Variants in ZC3H12B observed in about 807,000 individuals in gnomAD.
ZC3H12B encodes zinc finger CCCH-type containing 12B.
ZC3H12B carries 7 observed loss-of-function variants against 43.9 expected under a neutral mutation model. The observed-to-expected ratio is 0.16, with a 90% CI of 0.09 to 0.30. The LOEUF (loss-of-function observed/expected upper bound fraction) is 0.30, where lower values mean the gene tolerates loss of function less well. Among genes scored for constraint, ZC3H12B ranks in the 10% least tolerant of loss-of-function variants. The probability of loss-of-function intolerance (pLI) is 1.00; values close to 1 mark genes in which losing one functional copy is unlikely to be tolerated. For synonymous variants in ZC3H12B, 222 were observed against 241.7 expected (o/e 0.92, Z 0.76); for missense variants, 475 against 670.2 (o/e 0.71, Z 3.22).
the ZC3H12B span, among the ~76,000 whole-genome samples, chrX:65,283,444 A>G: frequency 1.8e-5 from 2 of 112,108 alleles, no homozygotes; most frequent in African/African-American, 6.5e-5. Flanking sequence ...CACCACTCCT[A>G]TTCAACATAG....
chrX:65,448,955 A>AAAAGAAAGAAAGAAAGAGAAAAAGAAAG (rs2067422954), intron 3 of ZC3H12B, among the ~76,000 whole-genome samples: 3 of 58,972 alleles, frequency 5.1e-5, no homozygotes, highest in South Asian at 8.4e-4. Flanking sequence ...GAAAGAAAGA[A>AAAAGAAAGAAAGAAAGAGAAAAAGAAAG]AAAGAAAGAA....
the ZC3H12B span, among the ~76,000 whole-genome samples, chrX:65,248,156 C>A: frequency 9.1e-6 from 1 of 110,479 alleles, no homozygotes; most frequent in African/African-American, 3.3e-5. Context: ...CCTGCCTCAG[C>A]CTCCTGAGTA....
intron 2 of ZC3H12B, among the ~76,000 whole-genome samples, chrX:65,383,943 T>C (rs1392845686): frequency 1.0e-5 from 1 of 95,822 alleles, no homozygotes; most frequent in African/African-American, 3.7e-5. Context: ...AGTTCAACCA[T>C]TGTGGAAGTC....
At chrX:65,084,277 G>A in the ZC3H12B span, among the ~76,000 whole-genome samples, 4 of 111,676 alleles carry the variant, frequency 3.6e-5, no homozygotes, top group East Asian at 5.6e-4. Flanking sequence ...AAATTAAAAA[G>A]CTTCTGCACT....
chrX:65,423,592 A>T (rs1238388440), intron 3 of ZC3H12B, among the ~76,000 whole-genome samples: 1 of 112,308 alleles, frequency 8.9e-6, no homozygotes, highest in East Asian at 2.8e-4. Context: ...TTTGATTTGC[A>T]TTTCTCTAAT....
the ZC3H12B span, among the ~76,000 whole-genome samples, chrX:65,330,177 A>G: frequency 9.0e-6 from 1 of 110,584 alleles, no homozygotes; most frequent in African/African-American, 3.3e-5. Flanking sequence ...CTTCCTACCC[A>G]AGTTCACTCA....
the ZC3H12B span, among the ~76,000 whole-genome samples, chrX:65,172,158 C>T: frequency 1.8e-5 from 2 of 111,996 alleles, no homozygotes; most frequent in Non-Finnish European, 3.8e-5. Flanking sequence ...ATCTTGGAAC[C>T]TCTTGATTTG....
chrX:65,461,295 C>T (rs780646456), intron 3 of ZC3H12B, among the ~76,000 whole-genome samples: 69 of 111,718 alleles, frequency 6.2e-4, no homozygotes, highest in Non-Finnish European at 6.8e-4. Flanking sequence ...GTCAGTGTGG[C>T]GATTCTTCAG....
At chrX:65,093,017 C>G in the ZC3H12B span, among the ~76,000 whole-genome samples, 24 of 111,756 alleles carry the variant, frequency 2.1e-4, no homozygotes, top group Non-Finnish European at 4.0e-4. Context: ...GCCCTTCTGC[C>G]CTGCACAGCT....
At chrX:65,096,139 G>A in the ZC3H12B span, among the ~76,000 whole-genome samples, 123 of 105,022 alleles carry the variant, frequency 1.2e-3, 1 homozygote, top group African/African-American at 3.9e-3. Context: ...AAACATACAC[G>A]TGCATGTATC....
chrX:65,403,220 T>C (rs914958575), intron 3 of ZC3H12B, among the ~76,000 whole-genome samples: 9 of 111,995 alleles, frequency 8.0e-5, no homozygotes, highest in African/African-American at 2.6e-4. Flanking sequence ...AATAGCAGAA[T>C]TGATCAAGAA....
the ZC3H12B span, among the ~76,000 whole-genome samples, chrX:65,136,930 A>T: frequency 3.6e-5 from 4 of 112,085 alleles, no homozygotes; most frequent in Admixed American, 3.8e-4. Context: ...CTAAAGTTCT[A>T]TATTAGAAAA....
At chrX:65,180,345 G>GAACAT in the ZC3H12B span, among the ~76,000 whole-genome samples, 1 of 111,773 alleles carries the variant, frequency 8.9e-6, no homozygotes, top group African/African-American at 3.3e-5. Flanking sequence ...GGTATTGATG[G>GAACAT]AACATATCTC....
the ZC3H12B span, among the ~76,000 whole-genome samples, chrX:65,290,011 A>C: frequency 3.6e-5 from 4 of 110,982 alleles, no homozygotes; most frequent in Non-Finnish European, 7.6e-5. Flanking sequence ...CTATGTAGTA[A>C]AAAATAATAA....
the ZC3H12B span, chrX:65,272,498 G>A: frequency 1.8e-5 from 2 of 111,738 alleles, no homozygotes; most frequent in Non-Finnish European, 1.9e-5. Context: ...TTTAGCCAAA[G>A]GGGTCAATTT....
At chrX:65,310,802 T>C in the ZC3H12B span, among the ~76,000 whole-genome samples, 1 of 111,424 alleles carries the variant, frequency 9.0e-6, no homozygotes, top group South Asian at 3.7e-4. Context: ...AACCAATATA[T>C]AGACCAATGG....
At chrX:65,131,721 G>C in the ZC3H12B span, among the ~76,000 whole-genome samples, 1 of 111,592 alleles carries the variant, frequency 9.0e-6, no homozygotes, top group African/African-American at 3.3e-5. Context: ...AGGTGTTGGG[G>C]TTTGGGAGAT....
At chrX:65,260,967 G>A in the ZC3H12B span, among the ~76,000 whole-genome samples, 1 of 111,794 alleles carries the variant, frequency 8.9e-6, no homozygotes, top group Non-Finnish European at 1.9e-5. Context: ...TAAAGCCATA[G>A]CACAGTGCCT....
chrX:65,122,354 C>T, the ZC3H12B span, among the ~76,000 whole-genome samples: 2 of 110,868 alleles, frequency 1.8e-5, no homozygotes, highest in Non-Finnish European at 3.8e-5. Context: ...TTGTCACCAC[C>T]AGGCCTGCCC....
Sources: gnomAD v4.1 joint callset for allele counts (sites outside exome capture counted in the v4.1 genomes callset) on GRCh38, gnomAD v4.1.1 for gene constraint, MANE v1.5 for transcripts, NCBI Gene and HGNC (gene_info 2026-07-23, HGNC 2026-07-21) for gene names.